The following MSI1 variants were observed in gnomAD, a reference collection of about 807,000 sequenced individuals.
The protein encoded by MSI1 is RNA-binding protein Musashi homolog 1.
In MSI1, 15 loss-of-function variants were observed where a neutral mutation model predicts 54.4. The observed-to-expected ratio is 0.28, with a 90% CI of 0.18 to 0.42. The LOEUF (loss-of-function observed/expected upper bound fraction) is 0.42, where lower values mean the gene tolerates loss of function less well. Among genes scored for constraint, MSI1 ranks in the 20% least tolerant of loss-of-function variants. MSI1 has a pLI of 1.00. For missense variants in MSI1, 304 were observed against 506.0 expected (o/e 0.60, Z 3.83); for synonymous variants, 200 against 196.5 (o/e 1.02, Z -0.15).
At chr12:120,345,021 T>C (rs1156287646) in intron 14 of MSI1, among the ~76,000 whole-genome samples, 1 of 150,936 alleles carries the variant, frequency 6.6e-6, no homozygotes, top group Admixed American at 6.6e-5. Context: ...TCTACAAAAA[T>C]AAAATAAAAT....
chr12:120,353,203 C>A (rs1343222265), intron 10 of MSI1, 96 bp downstream of exon 10: 7 of 1,198,874 alleles, frequency 5.8e-6, no homozygotes, highest in African/African-American at 1.5e-5. Flanking sequence ...AGCAAGCAGA[C>A]CCCCAGCCAT....
chr12:120,362,929 C>T, intron 6 of MSI1, 114 bp downstream of exon 6: 1 of 914,538 alleles, frequency 1.1e-6, no homozygotes, highest in East Asian at 2.4e-5. Context: ...CAGGATCCAG[C>T]CCCACTCTCA....
intron 13 of MSI1, 114 bp from the exon 14 acceptor site, chr12:120,345,746 G>A (rs1015993707): frequency 1.4e-5 from 18 of 1,317,292 alleles, no homozygotes; most frequent in African/African-American, 4.4e-5. Flanking sequence ...CTACCTGTCC[G>A]GATCGCCCCC....
At chr12:120,352,200 C>A (rs901197878) in intron 10 of MSI1, among the ~76,000 whole-genome samples, 1 of 151,758 alleles carries the variant, frequency 6.6e-6, no homozygotes, top group Non-Finnish European at 1.5e-5. Context: ...AGAGACAAGG[C>A]CTCACTATGT....
chr12:120,340,682 A>C (rs972284074), downstream of MSI1, among the ~76,000 whole-genome samples: 18 of 151,420 alleles, frequency 1.2e-4, no homozygotes, highest in African/African-American at 4.4e-4. Flanking sequence ...TACCTAAATA[A>C]TTTAATATTT....
In MSI1 at chr12:120,368,115, G is replaced by T. The variant is rs1876131832; in HGVS notation, c.183-23C>A. The stretch of plus-strand genomic sequence containing the variant: ...CCCCTGCGCGCCGTAGTGAGGGAGA[G>T]GCAGATGGTTACAAGGCAGTGAGTG... On this transcript the variant is annotated intron_variant, in intron 3 of 14. Coordinates refer to ENST00000257552, the MANE Select transcript of MSI1 (RefSeq NM_002442.4). The surrounding 1 kb of genome is among the most constrained non-coding windows in gnomAD (Gnocchi z 6.6). 1.2e-6 allele frequency: 2 copies of T among 1,611,646 alleles called. No individual in the cohort carries two copies. Among genetic ancestry groups the T allele is most frequent in the South Asian group, 2.2e-5 (2 of 90,582 alleles).
chr12:120,354,769 A>G (rs1874936515), intron 9 of MSI1, among the ~76,000 whole-genome samples: 1 of 152,242 alleles, frequency 6.6e-6, no homozygotes, highest in Non-Finnish European at 1.5e-5. Context: ...AAAACAGCTC[A>G]TGAATCACCT....
chr12:120,353,251 G>A (rs1214575269), intron 10 of MSI1, 48 bp downstream of exon 10: 7 of 1,576,984 alleles, frequency 4.4e-6, no homozygotes, highest in Admixed American at 1.7e-5. Flanking sequence ...CAGACTGCCC[G>A]GGAACCAGGG....
At position 120,368,855 on chromosome 12, in the gene MSI1, T is replaced by TC; in HGVS notation, c.77dup (p.Leu27ThrfsTer50). The TC allele has an allele frequency of 6.8e-7, 1 of 1,461,318 alleles. No homozygotes were observed. Among genetic ancestry groups the TC allele is most frequent in the Non-Finnish European group, 9.1e-7 (1 of 1,096,862 alleles). The allele number at this position is 1,461,318 out of a possible 1,614,324, so 90.5% of individuals were successfully genotyped here. ...CACCCTGCGTAGTCTGCCAACTGAGTCCCCCGATGAACATCTTGCTGCGGG... is the reference window on the plus strand; with the variant it reads ...CACCCTGCGTAGTCTGCCAACTGAGTCCCCCCGATGAACATCTTGCTGCGGG... On this transcript the variant is annotated frameshift_variant, in exon 2 of 15. Transcript: ENST00000257552. LOFTEE classifies it high-confidence loss of function. The surrounding 1 kb of genome is among the most constrained non-coding windows in gnomAD (Gnocchi z 6.6).
chr12:120,362,279 A>T (rs1875722604), intron 6 of MSI1, among the ~76,000 whole-genome samples: 1 of 151,786 alleles, frequency 6.6e-6, no homozygotes, highest in Non-Finnish European at 1.5e-5. Flanking sequence ...TCTCACCTAA[A>T]AGAAGAAAGA....
intron 9 of MSI1, among the ~76,000 whole-genome samples, chr12:120,355,829 G>A (rs550617396): frequency 2.0e-5 from 3 of 152,230 alleles, no homozygotes; most frequent in East Asian, 1.9e-4. Flanking sequence ...GAGGCTGCTC[G>A]CCTCCCCGAC....
In MSI1 at chr12:120,368,765, C is replaced by A; in HGVS notation, c.100+68G>T. ...AGGGCGCAGGGCCGGGCTGGGGTGT[C>A]CGGGTCCGGGGCGCCGGGGGGTCCG... On this transcript the variant is annotated intron_variant, in intron 2 of 14. Transcript: ENST00000257552. The surrounding 1 kb of genome is among the most constrained non-coding windows in gnomAD (Gnocchi z 6.6). 1 of 1,318,098 alleles carries A rather than the reference C, an allele frequency of 7.6e-7. No individual in the cohort carries two copies. The highest frequency in any genetic ancestry group is 9.9e-7 in the Non-Finnish European group (1 of 1,014,794). 81.7% of individuals were successfully genotyped at this position (1,318,098 alleles called of 1,614,324 possible).
At chr12:120,363,208 C>T (rs1875793567) in intron 5 of MSI1, 73 bp from the exon 6 acceptor site, 2 of 1,333,458 alleles carry the variant, frequency 1.5e-6, no homozygotes, top group Non-Finnish European at 2.1e-6. Context: ...GGCTCGAGCC[C>T]CCCTGCCAGG....
chr12:120,365,091 A>G (rs1875931612), intron 4 of MSI1, among the ~76,000 whole-genome samples: 1 of 152,070 alleles, frequency 6.6e-6, no homozygotes, highest in African/African-American at 2.4e-5. Flanking sequence ...TTGTATTTTT[A>G]GTAGAGACGG....
intron 6 of MSI1, among the ~76,000 whole-genome samples, chr12:120,361,238 T>C (rs1875606740): frequency 6.6e-6 from 1 of 150,584 alleles, no homozygotes; most frequent in African/African-American, 2.5e-5. Context: ...AATGAATGAA[T>C]GAACGAACCA....
rs954803612 is a variant in MSI1, at chr12:120,341,835, G to A, written c.*1292C>T. On this transcript the variant is annotated 3_prime_UTR_variant, in exon 15 of 15. Transcript: ENST00000257552. Reference sequence around the variant, plus strand: ...CAGGCCCTGGGCCTCATAACTGGGGGAGAGGGACACACAGAAGGGGGATGG... The same window carrying A: ...CAGGCCCTGGGCCTCATAACTGGGGAAGAGGGACACACAGAAGGGGGATGG... 2 of 152,408 alleles carry A rather than the reference G, an allele frequency of 1.3e-5. No individual in the cohort carries two copies. Among genetic ancestry groups the A allele is most frequent in the Admixed American group, 1.3e-4 (2 of 15,254 alleles). 9.4% of individuals were successfully genotyped at this position (152,408 alleles called of 1,614,324 possible).
At chr12:120,345,490 G>A (rs1874033058) in intron 14 of MSI1, 80 bp downstream of exon 14, 3 of 1,263,522 alleles carry the variant, frequency 2.4e-6, no homozygotes, top group Non-Finnish European at 3.5e-6. Context: ...GGCAGGGATG[G>A]GGTCTGTGTC....
At chr12:120,366,788 T>A (rs1251431694) in intron 4 of MSI1, among the ~76,000 whole-genome samples, 1 of 151,782 alleles carries the variant, frequency 6.6e-6, no homozygotes, top group Non-Finnish European at 1.5e-5. Context: ...CATCTCACCC[T>A]CCTTCCTCCC....
In MSI1 at chr12:120,368,321, C is replaced by CG; in HGVS notation, c.101-49_101-48insC. 1 of 1,068,542 alleles carries CG rather than the reference C, an allele frequency of 9.4e-7. No homozygotes were observed. Among genetic ancestry groups the CG allele is most frequent in the Non-Finnish European group, 1.2e-6 (1 of 816,684 alleles). The allele number at this position is 1,068,542 out of a possible 1,614,324, so 66.2% of individuals were successfully genotyped here. A position where few individuals can be genotyped will look rare whatever the true frequency, so the allele number is the denominator to read the frequency against. ...GGACCAGCCCGGGCCCCGCGCCCTT[C>CG]CCCCCCCCCCGTCCTTTGCCCCCGG... On this transcript the variant is annotated intron_variant, in intron 2 of 14. Coordinates refer to ENST00000257552, the MANE Select transcript of MSI1 (RefSeq NM_002442.4). The surrounding 1 kb of genome is among the most constrained non-coding windows in gnomAD (Gnocchi z 6.6).
Sources: allele counts gnomAD v4.1 joint callset (sites outside exome capture counted in the v4.1 genomes callset), GRCh38; gene constraint gnomAD v4.1.1; non-coding constraint Gnocchi (gnomAD v3.1); transcripts MANE v1.5; gene names NCBI Gene and HGNC (gene_info 2026-07-23, HGNC 2026-07-21).